PACRG: variants seen among roughly 807,000 people sequenced by gnomAD.
The protein encoded by PACRG is parkin coregulated.
A neutral mutation model predicts 29.7 loss-of-function variants in PACRG; 29 were observed. The ratio of observed to expected loss-of-function variants is 0.98; its 90% CI spans 0.73 to 1.33. PACRG has a LOEUF of 1.33. Among genes scored for constraint, PACRG ranks in the 40% most tolerant of loss-of-function variants. The pLI is 0.00. For synonymous variants in PACRG, 116 were observed against 118.7 expected, an observed-to-expected ratio of 0.98 and a Z score of 0.15; for missense variants, 279 against 316.2, an observed-to-expected ratio of 0.88 and a Z score of 0.89.
intron 2 of PACRG, among the ~76,000 whole-genome samples, chr6:162,919,190 A>G (rs1345045675): frequency 6.6e-6 from 1 of 152,232 alleles, no homozygotes; most frequent in African/African-American, 2.4e-5. Context: ...AGCATGAACA[A>G]ATTCATGGAG....
At chr6:162,875,259 G>C (rs749486791) in intron 2 of PACRG, among the ~76,000 whole-genome samples, 1 of 138,472 alleles carries the variant, frequency 7.2e-6, no homozygotes, top group Non-Finnish European at 1.6e-5. Flanking sequence ...ACACAGACAT[G>C]CACACACAGT....
intron 1 of PACRG, among the ~76,000 whole-genome samples, chr6:162,806,190 C>A (rs1022351051): frequency 2.6e-5 from 4 of 151,632 alleles, no homozygotes; most frequent in Admixed American, 1.3e-4. Flanking sequence ...CTTACTGCAA[C>A]CTCTGCCTCC....
At chr6:163,131,222 G>T (rs1036188891) in intron 4 of PACRG, among the ~76,000 whole-genome samples, 3 of 151,834 alleles carry the variant, frequency 2.0e-5, no homozygotes, top group African/African-American at 7.3e-5. Flanking sequence ...GCGGGAGGAT[G>T]GCGTGAACCC....
At chr6:162,785,591 T>C (rs9356061) in intron 1 of PACRG, among the ~76,000 whole-genome samples, 2 of 139,798 alleles carry the variant, frequency 1.4e-5, no homozygotes, top group African/African-American at 5.2e-5. Flanking sequence ...GTGCGGGGGT[T>C]GGGGGAGGAT....
At chr6:162,762,757 A>T (rs2128293234) in intron 1 of PACRG, among the ~76,000 whole-genome samples, 1 of 152,366 alleles carries the variant, frequency 6.6e-6, no homozygotes, top group Admixed American at 6.5e-5. Flanking sequence ...TTTTACATAT[A>T]GAACACTGAC....
intron 4 of PACRG, among the ~76,000 whole-genome samples, chr6:163,090,603 A>G (rs1814013265): frequency 6.6e-6 from 1 of 152,194 alleles, no homozygotes; most frequent in Admixed American, 6.5e-5. Context: ...TACATTTGGA[A>G]AATACTTATT....
At chr6:162,979,311 G>A (rs999295955) in intron 2 of PACRG, among the ~76,000 whole-genome samples, 5 of 152,024 alleles carry the variant, frequency 3.3e-5, no homozygotes, top group African/African-American at 1.2e-4. Flanking sequence ...CTACCTGATG[G>A]CCATTTGTAT....
At chr6:163,257,856 C>A (rs1182914926) in intron 4 of PACRG, among the ~76,000 whole-genome samples, 2 of 152,176 alleles carry the variant, frequency 1.3e-5, no homozygotes, top group Admixed American at 6.5e-5. Context: ...TTTATTACAA[C>A]AACTGGTGCC....
chr6:162,996,426 A>T (rs1192738776), intron 2 of PACRG, among the ~76,000 whole-genome samples: 1 of 152,142 alleles, frequency 6.6e-6, no homozygotes, highest in East Asian at 1.9e-4. Flanking sequence ...CAAATATAGA[A>T]AATTCGTTTG....
chr6:163,162,548 G>T (rs1472647419), intron 4 of PACRG, among the ~76,000 whole-genome samples: 2 of 152,194 alleles, frequency 1.3e-5, no homozygotes, highest in African/African-American at 4.8e-5. Context: ...ACAGCCTCTG[G>T]ATTGGCAAGT....
intron 2 of PACRG, chr6:162,997,495 T>G (rs908093846): frequency 2.2e-6 from 1 of 447,706 alleles, no homozygotes; most frequent in South Asian, 1.6e-5. Flanking sequence ...AATCATGTCT[T>G]CCAATGAATA....
rs563077052 is a variant in PACRG, at chr6:162,775,463, A to G, written c.157-38684A>G. ...TGTTAATTTTAATCAATTTTACATA[A>G]TACAAATGCATTATTACATATGCTT... On this transcript the variant is annotated intron_variant, in intron 1 of 4. Transcript: ENST00000366888. 2.0e-5 allele frequency among the ~76,000 whole-genome samples: 3 copies of G among 152,340 alleles called. No homozygotes were observed. The South Asian group carries it at 6.2e-4, about 32-fold the overall frequency.
At chr6:163,289,855 A>G (rs973322927) in intron 4 of PACRG, among the ~76,000 whole-genome samples, 2 of 148,486 alleles carry the variant, frequency 1.3e-5, no homozygotes, top group African/African-American at 2.5e-5. Context: ...TTTTTATTTT[A>G]TTTTATTTTG....
intron 4 of PACRG, among the ~76,000 whole-genome samples, chr6:163,239,947 C>G (rs1046143315): frequency 3.1e-5 from 4 of 129,172 alleles, no homozygotes; most frequent in Non-Finnish European, 6.7e-5. Context: ...ACTCCCACCC[C>G]CCCCACACAC....
intron 4 of PACRG, among the ~76,000 whole-genome samples, chr6:163,166,707 A>AT: frequency 6.6e-6 from 1 of 152,148 alleles, no homozygotes; most frequent in Non-Finnish European, 1.5e-5. Flanking sequence ...ATCACTAAGC[A>AT]TTTTTATGCC....
At chr6:163,126,094 A>G (rs905760553) in intron 4 of PACRG, among the ~76,000 whole-genome samples, 72 of 152,232 alleles carry the variant, frequency 4.7e-4, no homozygotes, top group African/African-American at 1.7e-3. Context: ...TATCCTAGTA[A>G]CAGCATAGGA....
In PACRG at chr6:162,947,149, C is replaced by T. The variant is rs1442830719; in HGVS notation, c.292-115001C>T. Among the ~76,000 whole-genome samples, 3 of 150,934 alleles carry T rather than the reference C, an allele frequency of 2.0e-5. No individual in the cohort carries two copies. In the East Asian group the frequency reaches 5.8e-4, roughly 29 times the overall value. On this transcript the variant is annotated intron_variant, in intron 2 of 4. Transcript: ENST00000366888. ...TCAGGCAAGAGAAAGAAATAAAAGA[C>T]ATCCAAATGGGAGAAGAAGCCAAAT...
At chr6:162,863,235 G>A (rs1792014579) in intron 2 of PACRG, among the ~76,000 whole-genome samples, 1 of 152,178 alleles carries the variant, frequency 6.6e-6, no homozygotes, top group South Asian at 2.1e-4. Context: ...ACATCATCAA[G>A]TTACTACGTG....
intron 3 of PACRG, among the ~76,000 whole-genome samples, chr6:163,078,787 G>A (rs757721569): frequency 7.2e-5 from 11 of 152,206 alleles, no homozygotes; most frequent in Non-Finnish European, 1.3e-4. Context: ...AAAAGTTGCC[G>A]TGAAACCCCA....
Sources: gnomAD v4.1 joint callset for allele counts (sites outside exome capture counted in the v4.1 genomes callset) on GRCh38, gnomAD v4.1.1 for gene constraint, MANE v1.5 for transcripts, NCBI Gene and HGNC (gene_info 2026-07-23, HGNC 2026-07-21) for gene names.